The following C1orf105 variants were observed in gnomAD, a reference collection of about 807,000 sequenced individuals.
The protein encoded by C1orf105 is chromosome 1 open reading frame 105, also known as uncharacterized protein C1orf105.
In C1orf105, 17 loss-of-function variants were observed where a neutral mutation model predicts 20.8. That is an observed-to-expected ratio of 0.82 (90% CI 0.56 to 1.23). The LOEUF is 1.23. Among genes scored for constraint, C1orf105 ranks in the 50% most tolerant of loss-of-function variants. C1orf105 has a pLI of 0.00. For missense variants in C1orf105, 219 were observed against 213.5 expected, an observed-to-expected ratio of 1.03 and a Z score of -0.16; for synonymous variants, 72 against 72.1, an observed-to-expected ratio of 1.00 and a Z score of 0.01.
At chr1:172,466,429 C>A (rs1650057425) in intron 6 of C1orf105, among the ~76,000 whole-genome samples, 1 of 152,190 alleles carries the variant, frequency 6.6e-6, no homozygotes, top group South Asian at 2.1e-4. Context: ...TCTATGATCA[C>A]CTCATTCTTT....
chr1:172,423,127 G>C (rs907406235), intron 1 of C1orf105, among the ~76,000 whole-genome samples: 2 of 152,170 alleles, frequency 1.3e-5, no homozygotes, highest in African/African-American at 4.8e-5. Context: ...CTAGAGCCTT[G>C]AGCGAACATA....
chr1:172,424,423 C>A (rs1344408678), intron 1 of C1orf105, among the ~76,000 whole-genome samples: 1 of 152,202 alleles, frequency 6.6e-6, no homozygotes, highest in Non-Finnish European at 1.5e-5. Context: ...TGGAGTCTTG[C>A]TCTGTCACCC....
intron 6 of C1orf105, among the ~76,000 whole-genome samples, chr1:172,467,288 C>G (rs954553481): frequency 4.6e-5 from 7 of 152,196 alleles, no homozygotes; most frequent in African/African-American, 1.4e-4. Flanking sequence ...AACATTACTG[C>G]CAATGACTGT....
chr1:172,443,948 G>A (rs1647649454), intron 1 of C1orf105: 1 of 998,334 alleles, frequency 1.0e-6, no homozygotes, highest in Non-Finnish European at 1.2e-6. Flanking sequence ...AGAGGAAAAG[G>A]AGCCCCGGAA....
At chr1:172,428,363 CA>C (rs1160898058) in intron 1 of C1orf105, among the ~76,000 whole-genome samples, 1 of 152,212 alleles carries the variant, frequency 6.6e-6, no homozygotes, top group Non-Finnish European at 1.5e-5. Context: ...CATGACCCTC[CA>C]ATGGCTCCTA....
chr1:172,465,476 T>C, intron 6 of C1orf105, 113 bp downstream of exon 6: 1 of 822,194 alleles, frequency 1.2e-6, no homozygotes. Flanking sequence ...ATCCTCACTT[T>C]CTATCCCTTT....
rs541966045 is a variant in C1orf105 at position 172,448,376 on chromosome 1, A to G, written c.108-65A>G. 47 of 1,114,978 alleles carry G rather than the reference A, an allele frequency of 4.2e-5. No homozygotes were observed. In the African/African-American group the frequency reaches 6.7e-4, roughly 16 times the overall value. The allele number at this position is 1,114,978 out of a possible 1,614,324, so 69.1% of individuals were successfully genotyped here. A position where few individuals can be genotyped will look rare whatever the true frequency, so the allele number is the denominator to read the frequency against. Reference sequence around the variant, plus strand: ...TGTCCCTTGTATTCTCTCAGAAACAACCAAGGGCCTGGCTCTTCAAACATG... The same window carrying G: ...TGTCCCTTGTATTCTCTCAGAAACAGCCAAGGGCCTGGCTCTTCAAACATG... On this transcript the variant is annotated intron_variant, in intron 2 of 6. Coordinates refer to ENST00000367727, the MANE Select transcript of C1orf105 (RefSeq NM_139240.4).
intron 1 of C1orf105, among the ~76,000 whole-genome samples, chr1:172,425,954 C>T (rs1444380028): frequency 6.8e-6 from 1 of 147,692 alleles, no homozygotes; most frequent in Non-Finnish European, 1.5e-5. Flanking sequence ...AACCTTTTAT[C>T]CCAGCCTGTG....
chr1:172,442,531 C>A, intron 1 of C1orf105: 1 of 1,614,174 alleles, frequency 6.2e-7, no homozygotes, highest in East Asian at 2.2e-5. Flanking sequence ...CAGGAATCGC[C>A]GGTCCACATA....
chr1:172,442,982 A>T (rs1647495294), intron 1 of C1orf105: 1 of 201,486 alleles, frequency 5.0e-6, no homozygotes, highest in South Asian at 1.3e-4. Flanking sequence ...TCAGATTTGA[A>T]AATTATAATT....
At chr1:172,443,030 T>C (rs1216090254) in intron 1 of C1orf105, 2 of 183,368 alleles carry the variant, frequency 1.1e-5, no homozygotes, top group South Asian at 1.5e-4. Context: ...CTATCGCTTA[T>C]TGAGTACCTA....
At position 172,453,095 on chromosome 1, in the gene C1orf105, G is replaced by A. The variant is rs549965818; in HGVS notation, c.199-3320G>A. 8 of 1,550,864 alleles carry A rather than the reference G, an allele frequency of 5.2e-6. No homozygotes were observed. In the East Asian group the frequency reaches 2.0e-4, roughly 38 times the overall value. ...GCCTTTAAAGTAGCCTGTCACAGCTGCCTTCCACGACTCTTCAATGCCCTC... is the reference window on the plus strand; with the variant it reads ...GCCTTTAAAGTAGCCTGTCACAGCTACCTTCCACGACTCTTCAATGCCCTC... On this transcript the variant is annotated intron_variant, in intron 3 of 6. Coordinates refer to ENST00000367727, the MANE Select transcript of C1orf105 (RefSeq NM_139240.4).
In C1orf105 at chr1:172,442,298, G is replaced by A. The variant is rs199866593; in HGVS notation, c.22-2775G>A. ...CACCGGGTCTGCCCACTCTTCTTCC[G>A]CCCTTCACCTCCATCAATGAGATCA... On this transcript the variant is annotated intron_variant, in intron 1 of 6. Coordinates refer to ENST00000367727, the MANE Select transcript of C1orf105 (RefSeq NM_139240.4). The A allele has an allele frequency of 2.1e-5, 34 of 1,613,552 alleles. 1 individual carries two copies. The highest frequency in any genetic ancestry group is 1.8e-4 in the East Asian group (8 of 44,888).
At chr1:172,442,277 G>C in intron 1 of C1orf105, 1 of 1,613,748 alleles carries the variant, frequency 6.2e-7, no homozygotes, top group Non-Finnish European at 8.5e-7. Context: ...TCAGCCCACC[G>C]GGTCTGCCCA....
intron 3 of C1orf105, among the ~76,000 whole-genome samples, chr1:172,451,728 A>AT (rs920489430): frequency 6.6e-6 from 1 of 152,016 alleles, no homozygotes; most frequent in East Asian, 1.9e-4. Context: ...ATTCAGCTTT[A>AT]TTTTTTTAAA....
intron 1 of C1orf105, among the ~76,000 whole-genome samples, chr1:172,434,968 C>T (rs112545174): frequency 6.6e-6 from 1 of 152,184 alleles, no homozygotes; most frequent in Non-Finnish European, 1.5e-5. Flanking sequence ...ACTATAAACA[C>T]CTCTATGCAA....
intron 3 of C1orf105, chr1:172,453,279 G>T: frequency 2.2e-6 from 3 of 1,385,620 alleles, no homozygotes; most frequent in South Asian, 2.7e-5. Context: ...CTGTCTTTTT[G>T]AACACAAAGA....
chr1:172,468,469 C>A lies in C1orf105; in HGVS notation c.427C>A (p.Pro143Thr), dbSNP rs764594852. Residue 143 changes from proline to threonine, a missense_variant, in exon 7 of 7, where the codon CCC becomes ACC. Pro to Thr is a conservative substitution (Grantham distance 38). Coordinates refer to ENST00000367727, the MANE Select transcript of C1orf105 (RefSeq NM_139240.4). ...TCCAGAAAGCATTCACTACAGACTGCCCATTCTGGGCCCCAGGACAGCTGT... is the reference window on the plus strand; with the variant it reads ...TCCAGAAAGCATTCACTACAGACTGACCATTCTGGGCCCCAGGACAGCTGT... ...IPTESIHYRL[P>T]ILGPRTAVFH... The A allele has an allele frequency of 3.3e-5, 53 of 1,613,318 alleles. No homozygotes were observed. The highest frequency in any genetic ancestry group is 4.2e-5 in the Non-Finnish European group (50 of 1,179,488).
intron 1 of C1orf105, among the ~76,000 whole-genome samples, chr1:172,432,138 A>G (rs1416908547): frequency 2.0e-5 from 3 of 152,226 alleles, no homozygotes; most frequent in African/African-American, 4.8e-5. Flanking sequence ...TACCGCCTCA[A>G]TAGACTCCAC....
Sources: gnomAD v4.1 joint callset for allele counts (sites outside exome capture counted in the v4.1 genomes callset) on GRCh38, gnomAD v4.1.1 for gene constraint, MANE v1.5 for transcripts, NCBI Gene and HGNC (gene_info 2026-07-23, HGNC 2026-07-21) for gene names.